Variants in MLPH observed in about 807,000 individuals in gnomAD.
MLPH encodes exophilin-3.
MLPH carries 51 observed loss-of-function variants against 72.1 expected under a neutral mutation model. The ratio of observed to expected loss-of-function variants is 0.71; its 90% CI spans 0.56 to 0.89. The LOEUF (loss-of-function observed/expected upper bound fraction) is 0.89. MLPH is among the 40% of genes least tolerant of loss of function. The probability of loss-of-function intolerance (pLI) is 0.00; values close to 1 mark genes in which losing one functional copy is unlikely to be tolerated. For missense variants in MLPH, 743 were observed against 759.9 expected, an observed-to-expected ratio of 0.98 and a Z score of 0.26; for synonymous variants, 301 against 310.1, an observed-to-expected ratio of 0.97 and a Z score of 0.31.
intron 6 of MLPH, among the ~76,000 whole-genome samples, chr2:237,525,349 G>A (rs551897361): frequency 3.9e-5 from 6 of 152,316 alleles, no homozygotes; most frequent in Non-Finnish European, 5.9e-5. Flanking sequence ...CCAGGGTGTC[G>A]TTGGGGGCCC....
rs1294105583 is a variant in MLPH, at chr2:237,540,959, T to G, written c.1446+2T>G. On this transcript the variant is annotated splice_donor_variant, in intron 11 of 15. Transcript: ENST00000264605. LOFTEE classifies it high-confidence loss of function. ...GAAGTCCAGCAGGCAGAGAGCGAGG[T>G]AGCCCAGAAGGCACAGGGGAGCACT... 6.2e-7 allele frequency: 1 copy of G among 1,601,192 alleles called. No individual in the cohort carries two copies. The highest frequency in any genetic ancestry group is 1.7e-5 in the Admixed American group (1 of 57,978).
At position 237,546,423 on chromosome 2, in the gene MLPH, C is replaced by T. The variant is rs910026652; in HGVS notation, c.1540-183C>T. On this transcript the variant is annotated intron_variant, in intron 12 of 15. Coordinates refer to ENST00000264605, the MANE Select transcript of MLPH (RefSeq NM_024101.7). ...CCTGGGTATCCTGTATTTTCATTTG[C>T]ACACTTTGGCGCCCTAGTCCCAGAG... is the stretch of plus-strand genomic sequence containing the variant. 2.8e-5 allele frequency: 18 copies of T among 638,386 alleles called. No homozygotes were observed. In the African/African-American group the frequency reaches 2.9e-4, roughly 10 times the overall value. The allele number at this position is 638,386 out of a possible 1,614,324, so 39.5% of individuals were successfully genotyped here.
intron 12 of MLPH, chr2:237,546,382 C>A: frequency 1.7e-6 from 1 of 577,194 alleles, no homozygotes; most frequent in Non-Finnish European, 3.1e-6. Context: ...TTTTCACAAT[C>A]TGAAATTCAA....
At chr2:237,552,542 A>G (rs540815038) in intron 15 of MLPH, 105 bp downstream of exon 15, 2 of 994,862 alleles carry the variant, frequency 2.0e-6, no homozygotes, top group African/African-American at 1.6e-5. Flanking sequence ...AGATAAACAA[A>G]ACAAAGATTC....
chr2:237,545,282 C>G (rs868048178), intron 12 of MLPH, among the ~76,000 whole-genome samples: 71 of 151,196 alleles, frequency 4.7e-4, no homozygotes, highest in African/African-American at 1.2e-3. Flanking sequence ...TGAGTTGGTG[C>G]CCCCTGAGGC....
chr2:237,516,609 T>C (rs2080023331), intron 4 of MLPH, among the ~76,000 whole-genome samples: 1 of 152,220 alleles, frequency 6.6e-6, no homozygotes, highest in South Asian at 2.1e-4. Context: ...GTTGGTAACA[T>C]TGATTGGTAA....
intron 9 of MLPH, among the ~76,000 whole-genome samples, chr2:237,537,907 G>A (rs570266650): frequency 2.6e-5 from 4 of 152,276 alleles, no homozygotes; most frequent in East Asian, 3.9e-4. Context: ...GCATCTCTGC[G>A]CGGCCCTCGC....
At position 237,525,483 on chromosome 2, in the gene MLPH, G is replaced by C. The variant is rs2080282211; in HGVS notation, c.676-118G>C. 3 of 967,730 alleles carry C rather than the reference G, an allele frequency of 3.1e-6. No homozygotes were observed. The South Asian group carries it at 4.2e-5, about 13-fold the overall frequency. 59.9% of individuals were successfully genotyped at this position (967,730 alleles called of 1,614,324 possible). A position where few individuals can be genotyped will look rare whatever the true frequency, so the allele number is the denominator to read the frequency against. The stretch of plus-strand genomic sequence containing the variant: ...AGGGGCCAGCGCAGATGGGTGCCTA[G>C]TGCTGGGTCAGTCAAGTGCCTGGAA... On this transcript the variant is annotated intron_variant, in intron 6 of 15. Coordinates refer to ENST00000264605, the MANE Select transcript of MLPH (RefSeq NM_024101.7).
At chr2:237,523,362 G>A (rs113921556) in intron 6 of MLPH, among the ~76,000 whole-genome samples, 2,260 of 152,262 alleles carry the variant, frequency 0.015, 26 homozygotes, top group Non-Finnish European at 0.024. Context: ...TTATAGCAGC[G>A]GAATAATTCA....
chr2:237,495,705 C>A (rs531098732), intron 2 of MLPH, among the ~76,000 whole-genome samples: 24 of 152,170 alleles, frequency 1.6e-4, no homozygotes, highest in Non-Finnish European at 3.4e-4. Context: ...ACCAGTCACC[C>A]CTGGATTTCA....
chr2:237,545,574 T>G, intron 12 of MLPH: 1 of 1,287,952 alleles, frequency 7.8e-7, no homozygotes, highest in Non-Finnish European at 1.0e-6. Context: ...AAATCCTTAG[T>G]CCGCCGCCAC....
At position 237,540,436 on chromosome 2, in the gene MLPH, A is replaced by G. The variant is rs1427963966; in HGVS notation, c.1193A>G (p.Asp398Gly). Residue 398 changes from aspartate (D) to glycine (G), a missense_variant, in exon 10 of 16, where the codon GAC becomes GGC. Asp to Gly is a moderately conservative substitution (Grantham distance 94). Coordinates refer to ENST00000264605, the MANE Select transcript of MLPH (RefSeq NM_024101.7). ...KLEELTSNVS[D>G]QETSSEEEEA... is the part of the protein sequence containing the mutation. The stretch of plus-strand genomic sequence containing the variant: ...GAGGAGCTGACCAGCAACGTCAGTG[A>G]CCAGGAGACCTCGTCCGAGGAGGAG... 2 of 1,612,852 alleles carry G rather than the reference A, an allele frequency of 1.2e-6. No homozygotes were observed. The highest frequency in any genetic ancestry group is 3.3e-5 in the Admixed American group (2 of 59,992).
intron 9 of MLPH, chr2:237,537,857 A>T (rs1014986379): frequency 6.7e-6 from 1 of 150,246 alleles, no homozygotes; most frequent in African/African-American, 2.4e-5. Context: ...GATGGCTCCC[A>T]GAGGAAGGGA....
chr2:237,519,844 G>T (rs2080140049), intron 5 of MLPH, 66 bp from the exon 6 acceptor site: 2 of 1,612,372 alleles, frequency 1.2e-6, no homozygotes, highest in Admixed American at 3.3e-5. Flanking sequence ...GGGAGGTGCA[G>T]GGTATTTGGT....
chr2:237,530,701 G>A lies in MLPH; in HGVS notation c.1020+3185G>A, dbSNP rs67192671. 8.1e-3 allele frequency among the ~76,000 whole-genome samples: 1,226 copies of A among 152,200 alleles called. 46 individuals are homozygous for A. The highest frequency in any genetic ancestry group is 0.043 in the East Asian group (220 of 5,168). ...CTGCGTGAAGACTGCTTATGGCCGC[G>A]TCACCCATTGGGGCCCACAATTCCT... is the stretch of plus-strand genomic sequence containing the variant. On this transcript the variant is annotated intron_variant, in intron 8 of 15. Transcript: ENST00000264605.
intron 14 of MLPH, 90 bp downstream of exon 14, chr2:237,549,368 A>T: frequency 8.3e-7 from 1 of 1,208,868 alleles, no homozygotes; most frequent in African/African-American, 1.5e-5. Context: ...GTGTTTCTTC[A>T]TTATCTGTGG....
Position 237,546,647 on chromosome 2 carries a change from A to G in MLPH, c.1581A>G (p.Pro527=). ...PRVAGKLGKR[P]EDPNADPSSE... ...TGGCTGGGAAACTTGGCAAGAGACCAGAGGACCCAAATGCAGACCCTTCAA... is the reference window on the plus strand; with the variant it reads ...TGGCTGGGAAACTTGGCAAGAGACCGGAGGACCCAAATGCAGACCCTTCAA... Residue 527 remains proline (P), a synonymous_variant, in exon 13 of 16, where the codon CCA becomes CCG. Coordinates refer to ENST00000264605, the MANE Select transcript of MLPH (RefSeq NM_024101.7). The G allele has an allele frequency of 6.2e-7, 1 of 1,614,232 alleles. No individual in the cohort carries two copies. The highest frequency in any genetic ancestry group is 1.1e-5 in the South Asian group (1 of 91,082).
At chr2:237,553,012 G>A (rs959867804) in intron 15 of MLPH, 1 of 448,498 alleles carries the variant, frequency 2.2e-6, no homozygotes, top group African/African-American at 2.0e-5. Flanking sequence ...AGAGCCAGTG[G>A]CTCAGGAGCC....
intron 8 of MLPH, among the ~76,000 whole-genome samples, chr2:237,530,717 C>T (rs1415206210): frequency 3.3e-5 from 5 of 152,218 alleles, no homozygotes; most frequent in African/African-American, 9.6e-5. Flanking sequence ...CATTGGGGCC[C>T]ACAATTCCTG....
Sources: allele counts gnomAD v4.1 joint callset (sites outside exome capture counted in the v4.1 genomes callset), GRCh38; gene constraint gnomAD v4.1.1; transcripts MANE v1.5; gene names NCBI Gene and HGNC (gene_info 2026-07-23, HGNC 2026-07-21).